Variants in PRORP observed in about 807,000 individuals in gnomAD.
PRORP encodes protein only RNase P catalytic subunit, also known as mitochondrial ribonuclease P catalytic subunit.
A neutral mutation model predicts 59.4 loss-of-function variants in PRORP; 51 were observed. The ratio of observed to expected loss-of-function variants is 0.86; its 90% CI spans 0.69 to 1.08. The LOEUF (loss-of-function observed/expected upper bound fraction) is 1.08, where lower values mean the gene tolerates loss of function less well. Ranked by LOEUF, PRORP falls within the 50% of genes least tolerant of loss-of-function variation. PRORP has a pLI of 0.00. For synonymous variants in PRORP, 231 were observed against 245.6 expected, an observed-to-expected ratio of 0.94 and a Z score of 0.55; for missense variants, 646 against 690.3, an observed-to-expected ratio of 0.94 and a Z score of 0.72.
chr14:35,243,455 G>A (rs2050411635), intron 5 of PRORP, among the ~76,000 whole-genome samples: 2 of 151,656 alleles, frequency 1.3e-5, no homozygotes, highest in Non-Finnish European at 1.5e-5. Context: ...AGGATGACTT[G>A]AGCCCAGGAG....
intron 5 of PRORP, among the ~76,000 whole-genome samples, chr14:35,197,614 C>A (rs1367033947): frequency 6.6e-6 from 1 of 151,998 alleles, no homozygotes; most frequent in Admixed American, 6.6e-5. Flanking sequence ...TCTTAGATTT[C>A]TTTTGCAGTG....
At chr14:35,235,323 G>C (rs1380449175) in intron 5 of PRORP, 1 of 696,540 alleles carries the variant, frequency 1.4e-6, no homozygotes, top group African/African-American at 1.8e-5. Flanking sequence ...GCTTCCACCA[G>C]CTTAGCCAAA....
intron 4 of PRORP, among the ~76,000 whole-genome samples, chr14:35,168,721 A>T (rs1364756512): frequency 6.6e-6 from 1 of 152,212 alleles, no homozygotes; most frequent in Non-Finnish European, 1.5e-5. Flanking sequence ...ATGTTACAGA[A>T]ATTATCTTAT....
In PRORP at chr14:35,141,977, C is replaced by G. The variant is rs536391011; in HGVS notation, c.1167+14366C>G. ...CACTGCAACCTCTGCCTCCTGGGTT[C>G]AAACGATTCTCCTGCCTCAGCCTCC... is the stretch of plus-strand genomic sequence containing the variant. On this transcript the variant is annotated intron_variant, in intron 4 of 7. Coordinates refer to ENST00000534898, the MANE Select transcript of PRORP (RefSeq NM_014672.4). Among the ~76,000 whole-genome samples, 3 of 145,210 alleles carry G rather than the reference C, an allele frequency of 2.1e-5. No individual in the cohort carries two copies. The South Asian group carries it at 6.8e-4, about 33-fold the overall frequency.
intron 5 of PRORP, among the ~76,000 whole-genome samples, chr14:35,210,803 T>C (rs2049422637): frequency 7.2e-6 from 1 of 138,998 alleles, no homozygotes; most frequent in African/African-American, 2.7e-5. Context: ...CCCCTTCTGT[T>C]TCCTAGGCTG....
At chr14:35,203,792 G>C (rs2049220486) in intron 5 of PRORP, among the ~76,000 whole-genome samples, 2 of 152,148 alleles carry the variant, frequency 1.3e-5, no homozygotes, top group Non-Finnish European at 1.5e-5. Flanking sequence ...TGAACCCCAG[G>C]GGGCGGAGCC....
At chr14:35,265,459 C>T (rs184732664) in intron 5 of PRORP, among the ~76,000 whole-genome samples, 3 of 152,220 alleles carry the variant, frequency 2.0e-5, no homozygotes, top group Non-Finnish European at 4.4e-5. Flanking sequence ...TATAGGCAAG[C>T]TCACCAAAGT....
At chr14:35,201,972 A>ATTT (rs753624770) in intron 5 of PRORP, among the ~76,000 whole-genome samples, 1 of 112,402 alleles carries the variant, frequency 8.9e-6, no homozygotes, top group Non-Finnish European at 2.0e-5. Flanking sequence ...AATTATTATT[A>ATTT]TTTTTTTTTT....
chr14:35,170,838 CTTTTCTTTTTCTT>C (rs1443411396), intron 4 of PRORP, among the ~76,000 whole-genome samples: 2 of 151,350 alleles, frequency 1.3e-5, no homozygotes, highest in Admixed American at 1.3e-4. Flanking sequence ...TTCTTTCTTT[CTTTTCTTTTTCTT>C]TTTTCTTTTT....
intron 5 of PRORP, among the ~76,000 whole-genome samples, chr14:35,258,981 A>G (rs2050829380): frequency 6.6e-6 from 1 of 152,158 alleles, no homozygotes; most frequent in South Asian, 2.1e-4. Context: ...AACCTGGACG[A>G]TGGTGTTGAG....
At chr14:35,213,719 AAC>A (rs1345055821) in intron 5 of PRORP, among the ~76,000 whole-genome samples, 1 of 152,228 alleles carries the variant, frequency 6.6e-6, no homozygotes, top group Non-Finnish European at 1.5e-5. Flanking sequence ...GAGCAGTCAG[AAC>A]ACACACAACA....
intron 4 of PRORP, among the ~76,000 whole-genome samples, chr14:35,173,579 C>T (rs1241974951): frequency 3.3e-5 from 5 of 152,010 alleles, no homozygotes; most frequent in Non-Finnish European, 7.4e-5. Flanking sequence ...TCTGGTTGCC[C>T]CAAACTCTGT....
chr14:35,137,655 T>C (rs1462982865), intron 4 of PRORP, among the ~76,000 whole-genome samples: 1 of 145,144 alleles, frequency 6.9e-6, no homozygotes, highest in African/African-American at 2.4e-5. Flanking sequence ...TCTGTGTGAT[T>C]GTGTGATTTA....
At chr14:35,241,379 A>C (rs925060771) in intron 5 of PRORP, among the ~76,000 whole-genome samples, 2 of 122,222 alleles carry the variant, frequency 1.6e-5, no homozygotes, top group Non-Finnish European at 3.7e-5. Context: ...CTCCGTCTCA[A>C]AAAAAAAAAA....
intron 5 of PRORP, among the ~76,000 whole-genome samples, chr14:35,187,922 T>C (rs1006453222): frequency 2.7e-5 from 4 of 149,740 alleles, no homozygotes; most frequent in African/African-American, 4.9e-5. Flanking sequence ...GCGATCTCGG[T>C]TCACTACAAC....
At position 35,273,762 on chromosome 14, in the gene PRORP, T is replaced by C. The variant is rs540668360; in HGVS notation, c.*196T>C. ...AGCTGCGTTTTTTTCCCCTAACATT[T>C]GTTTTTGGAGGCTTATCAAGAGTTG... On this transcript the variant is annotated 3_prime_UTR_variant, in exon 8 of 8. Transcript: ENST00000534898. 71 of 415,266 alleles carry C rather than the reference T, an allele frequency of 1.7e-4. 1 individual carries two copies. In the South Asian group the frequency reaches 2.8e-3, roughly 16 times the overall value. 25.7% of individuals were successfully genotyped at this position (415,266 alleles called of 1,614,324 possible). A position where few individuals can be genotyped will look rare whatever the true frequency, so the allele number is the denominator to read the frequency against.
At chr14:35,130,493 T>C (rs559618712) in intron 4 of PRORP, among the ~76,000 whole-genome samples, 9 of 152,166 alleles carry the variant, frequency 5.9e-5, no homozygotes, top group African/African-American at 2.2e-4. Context: ...TCTTTTTTTT[T>C]TTCATTGAGA....
chr14:35,167,568 C>T (rs557533739), intron 4 of PRORP, among the ~76,000 whole-genome samples: 6 of 152,258 alleles, frequency 3.9e-5, no homozygotes, highest in South Asian at 2.1e-4. Flanking sequence ...TTTTTAGCCA[C>T]GTGGCTTCAT....
intron 5 of PRORP, among the ~76,000 whole-genome samples, chr14:35,225,712 C>A (rs1188452701): frequency 6.6e-6 from 1 of 151,972 alleles, no homozygotes; most frequent in Non-Finnish European, 1.5e-5. Flanking sequence ...TCCCTGGCAA[C>A]TGTACAACCT....
Sources: gnomAD v4.1 joint callset for allele counts (sites outside exome capture counted in the v4.1 genomes callset) on GRCh38, gnomAD v4.1.1 for gene constraint, MANE v1.5 for transcripts, NCBI Gene and HGNC (gene_info 2026-07-23, HGNC 2026-07-21) for gene names.